Variants in ATP8B1 observed in about 807,000 individuals in gnomAD.
ATP8B1 encodes ATPase phospholipid transporting 8B1, also known as phospholipid-transporting ATPase IC.
Under a neutral mutation model 149.9 loss-of-function variants are expected in ATP8B1, and 80 were observed. That is an observed-to-expected ratio of 0.53 (90% CI 0.45 to 0.64). ATP8B1 has a LOEUF of 0.64. Among genes scored for constraint, ATP8B1 ranks in the 30% least tolerant of loss-of-function variants. ATP8B1 has a pLI of 0.00. For missense variants in ATP8B1, 1,247 were observed against 1,552.6 expected, an observed-to-expected ratio of 0.80 and a Z score of 3.31; for synonymous variants, 536 against 562.8, an observed-to-expected ratio of 0.95 and a Z score of 0.67.
chr18:57,763,190 C>T (rs11664011), intron 1 of ATP8B1, among the ~76,000 whole-genome samples: 1,886 of 152,204 alleles, frequency 0.012, 29 homozygotes, highest in Non-Finnish European at 0.019. Flanking sequence ...GGTCAAGGTT[C>T]GAGACCAGCC....
intron 5 of ATP8B1, 55 bp downstream of exon 5, chr18:57,701,160 A>G: frequency 6.2e-7 from 1 of 1,611,938 alleles, no homozygotes; most frequent in Non-Finnish European, 8.5e-7. Flanking sequence ...GGAAGGCACG[A>G]GAACTTAAAG....
At chr18:57,747,063 T>A (rs1568052094) in intron 1 of ATP8B1, among the ~76,000 whole-genome samples, 1 of 152,348 alleles carries the variant, frequency 6.6e-6, no homozygotes, top group South Asian at 2.1e-4. Flanking sequence ...GAGCCCTTGC[T>A]GATCCTCAGC....
At chr18:57,780,523 C>A (rs1436221199) in intron 1 of ATP8B1, among the ~76,000 whole-genome samples, 1 of 151,940 alleles carries the variant, frequency 6.6e-6, no homozygotes, top group Non-Finnish European at 1.5e-5. Flanking sequence ...AGCAGGCAAA[C>A]CAGAAATAAA....
intron 2 of ATP8B1, among the ~76,000 whole-genome samples, chr18:57,710,523 C>G (rs1913636986): frequency 6.6e-6 from 1 of 151,982 alleles, no homozygotes; most frequent in Admixed American, 6.6e-5. Context: ...AGAAGCTGCA[C>G]TGGTTGGTAC....
At chr18:57,763,424 T>C (rs2080175808) in intron 1 of ATP8B1, among the ~76,000 whole-genome samples, 1 of 151,918 alleles carries the variant, frequency 6.6e-6, no homozygotes, top group Admixed American at 6.6e-5. Flanking sequence ...ACTCTAAAGA[T>C]AGAGCTCTGT....
At chr18:57,707,171 C>CT (rs2122978706) in intron 2 of ATP8B1, among the ~76,000 whole-genome samples, 1 of 152,252 alleles carries the variant, frequency 6.6e-6, no homozygotes, top group African/African-American at 2.4e-5. Flanking sequence ...TGGCGGGCAC[C>CT]TGTAATCCCA....
At chr18:57,716,218 C>T (rs112884787) in intron 2 of ATP8B1, among the ~76,000 whole-genome samples, 46 of 151,798 alleles carry the variant, frequency 3.0e-4, no homozygotes, top group African/African-American at 7.5e-4. Flanking sequence ...AAATAAAAAG[C>T]AGGAAATTAA....
At position 57,694,581 on chromosome 18, in the gene ATP8B1, C is replaced by G; in HGVS notation, c.1029+1G>C. On this transcript the variant is annotated splice_donor_variant, in intron 11 of 27. Coordinates refer to ENST00000648908, the MANE Select transcript of ATP8B1 (RefSeq NM_001374385.1). LOFTEE classifies it high-confidence loss of function. The stretch of plus-strand genomic sequence containing the variant: ...GATCTACTGAGATGAAAAATAAATA[C>G]CGTGTAAACCATGTAGTTCATCAAG... 3 of 1,536,006 alleles carry G rather than the reference C, an allele frequency of 2.0e-6. No homozygotes were observed. The highest frequency in any genetic ancestry group is 2.7e-6 in the Non-Finnish European group (3 of 1,109,658).
At chr18:57,753,855 G>A (rs1418007945) in intron 1 of ATP8B1, among the ~76,000 whole-genome samples, 4 of 148,960 alleles carry the variant, frequency 2.7e-5, no homozygotes, top group Non-Finnish European at 5.9e-5. Flanking sequence ...TTGAACCTGG[G>A]AGGCGGAGGT....
At chr18:57,786,190 T>TAA (rs2080407443) in intron 1 of ATP8B1, among the ~76,000 whole-genome samples, 2 of 152,172 alleles carry the variant, frequency 1.3e-5, no homozygotes, top group South Asian at 4.1e-4. Context: ...AGGTGGCCAC[T>TAA]AGTGTAAACA....
chr18:57,734,715 C>G (rs1473320539), intron 1 of ATP8B1, among the ~76,000 whole-genome samples: 3 of 152,174 alleles, frequency 2.0e-5, no homozygotes, highest in African/African-American at 7.2e-5. Flanking sequence ...TACTGGTCCT[C>G]AGCACCTCAG....
chr18:57,671,592 A>C lies in ATP8B1; in HGVS notation c.1820-12T>G. 6.4e-7 allele frequency: 1 copy of C among 1,572,762 alleles called. No homozygotes were observed. The highest frequency in any genetic ancestry group is 8.8e-7 in the Non-Finnish European group (1 of 1,142,458). On this transcript the variant is annotated splice_polypyrimidine_tract_variant and intron_variant, in intron 16 of 27. Transcript: ENST00000648908. Reference sequence around the variant, plus strand: ...TTCTGGGGTTCTTACTGGTAGTAAAAGAAGGAAATAAACACAACAAAGTTT... The same window carrying C: ...TTCTGGGGTTCTTACTGGTAGTAAACGAAGGAAATAAACACAACAAAGTTT...
intron 2 of ATP8B1, among the ~76,000 whole-genome samples, chr18:57,719,630 T>C (rs1315803998): frequency 6.6e-6 from 1 of 152,126 alleles, no homozygotes; most frequent in African/African-American, 2.4e-5. Context: ...ATCTCACTGA[T>C]TGCTAGCACA....
chr18:57,802,268 A>AG lies in ATP8B1; in HGVS notation c.-26+729dup, dbSNP rs113358586. On this transcript the variant is annotated intron_variant, in intron 1 of 27. Coordinates refer to ENST00000648908, the MANE Select transcript of ATP8B1 (RefSeq NM_001374385.1). This position sits in a 1 kb window ranked among gnomAD's most constrained non-coding sequence, Gnocchi z 4.9. ...GTTGCCCCTCCTCGTGCACACAGCG[A>AG]GGTGACAGCGCAGGGCACCAAACTG... 7.1e-3 allele frequency among the ~76,000 whole-genome samples: 1,075 copies of AG among 152,232 alleles called. 11 individuals are homozygous for AG. The highest frequency in any genetic ancestry group is 0.019 in the African/African-American group (782 of 41,538).
intron 2 of ATP8B1, among the ~76,000 whole-genome samples, chr18:57,728,720 C>A (rs1171217505): frequency 9.3e-6 from 1 of 107,676 alleles, no homozygotes; most frequent in Non-Finnish European, 1.8e-5. Flanking sequence ...CAAGACTGAG[C>A]ATTTTTTTTT....
At chr18:57,652,462 A>G (rs1182674026) in intron 25 of ATP8B1, 22 bp downstream of exon 25, 29 of 1,614,146 alleles carry the variant, frequency 1.8e-5, no homozygotes, top group East Asian at 2.2e-5. Context: ...GACACTGAAT[A>G]CGGCCAATGA....
intron 1 of ATP8B1, among the ~76,000 whole-genome samples, chr18:57,795,369 C>G (rs1254038751): frequency 6.6e-6 from 1 of 151,290 alleles, no homozygotes; most frequent in African/African-American, 2.4e-5. Flanking sequence ...CACCACTGCA[C>G]TCCAGCCTGG....
intron 1 of ATP8B1, among the ~76,000 whole-genome samples, chr18:57,788,307 A>G (rs541892993): frequency 6.6e-5 from 10 of 151,130 alleles, no homozygotes; most frequent in African/African-American, 2.2e-4. Context: ...GGCTCCCAGC[A>G]CTTTGGGAGG....
At chr18:57,751,247 T>C (rs940167052) in intron 1 of ATP8B1, among the ~76,000 whole-genome samples, 1 of 152,132 alleles carries the variant, frequency 6.6e-6, no homozygotes, top group African/African-American at 2.4e-5. Flanking sequence ...CCCAGTACTT[T>C]GGGAGGCTGA....
Sources: allele counts gnomAD v4.1 joint callset (sites outside exome capture counted in the v4.1 genomes callset), GRCh38; gene constraint gnomAD v4.1.1; non-coding constraint Gnocchi (gnomAD v3.1); transcripts MANE v1.5; gene names NCBI Gene and HGNC (gene_info 2026-07-23, HGNC 2026-07-21).